Variants in SLC8A1 observed in about 807,000 individuals in gnomAD.
SLC8A1 encodes the protein sodium/calcium exchanger 1.
Under a neutral mutation model 68.3 loss-of-function variants are expected in SLC8A1, and 18 were observed. That is an observed-to-expected ratio of 0.26 (90% confidence interval 0.18 to 0.39). SLC8A1 has a LOEUF of 0.39. SLC8A1 is among the 10% of genes least tolerant of loss of function. The pLI is 1.00. For missense variants in SLC8A1, 985 were observed against 1,156.7 expected, an observed-to-expected ratio of 0.85 and a Z score of 2.15; for synonymous variants, 475 against 415.5, an observed-to-expected ratio of 1.14 and a Z score of -1.74.
chr2:40,416,209 G>T (rs1184996487), intron 2 of SLC8A1, among the ~76,000 whole-genome samples: 2 of 151,898 alleles, frequency 1.3e-5, no homozygotes, highest in African/African-American at 4.8e-5. Context: ...CTCTGATTTG[G>T]ACAATAAGTT....
chr2:40,287,555 T>G (rs1470481058), intron 2 of SLC8A1, among the ~76,000 whole-genome samples: 1 of 144,310 alleles, frequency 6.9e-6, no homozygotes, highest in African/African-American at 2.6e-5. Flanking sequence ...AATTCCTCAT[T>G]CTTTCAGCGG....
At chr2:40,399,671 A>C (rs550472310) in intron 2 of SLC8A1, among the ~76,000 whole-genome samples, 71 of 152,290 alleles carry the variant, frequency 4.7e-4, no homozygotes, top group African/African-American at 1.6e-3. Context: ...ATATTAAGTA[A>C]ATAGCCCCTG....
intron 2 of SLC8A1, among the ~76,000 whole-genome samples, chr2:40,416,694 C>T (rs1693993343): frequency 1.3e-5 from 2 of 152,062 alleles, no homozygotes; most frequent in Admixed American, 6.5e-5. Context: ...ACCAACTAAC[C>T]AGACCAGTAG....
chr2:40,362,161 C>T (rs1484397472), intron 2 of SLC8A1, among the ~76,000 whole-genome samples: 9 of 151,770 alleles, frequency 5.9e-5, no homozygotes, highest in African/African-American at 4.8e-5. Flanking sequence ...TCCCATAGTG[C>T]TGGGATTACA....
intron 7 of SLC8A1, among the ~76,000 whole-genome samples, chr2:40,132,023 GGT>G (rs1250514290): frequency 6.6e-6 from 1 of 151,870 alleles, no homozygotes; most frequent in Non-Finnish European, 1.5e-5. Flanking sequence ...GACTCCATTA[GGT>G]GTTTTTCATG....
intron 2 of SLC8A1, among the ~76,000 whole-genome samples, chr2:40,335,794 A>G (rs1181840977): frequency 2.0e-5 from 3 of 152,236 alleles, no homozygotes; most frequent in Non-Finnish European, 4.4e-5. Flanking sequence ...TGCCTTTGTC[A>G]TGATTATCTG....
intron 2 of SLC8A1, among the ~76,000 whole-genome samples, chr2:40,361,567 C>A (rs1674644449): frequency 6.6e-6 from 1 of 151,902 alleles, no homozygotes; most frequent in Non-Finnish European, 1.5e-5. Context: ...TCTGGTGCCC[C>A]ATCAAGACAA....
intron 2 of SLC8A1, among the ~76,000 whole-genome samples, chr2:40,255,870 C>T (rs2063828908): frequency 6.6e-6 from 1 of 152,126 alleles, no homozygotes; most frequent in African/African-American, 2.4e-5. Context: ...CAAGAAACTT[C>T]CACTAAAAAG....
upstream of SLC8A1, among the ~76,000 whole-genome samples, chr2:40,452,523 C>T (rs1203070123): frequency 6.6e-6 from 1 of 152,184 alleles, no homozygotes; most frequent in Non-Finnish European, 1.5e-5. Flanking sequence ...TCTTCTCTTC[C>T]GCAGACAGAA....
intron 1 of SLC8A1, among the ~76,000 whole-genome samples, chr2:40,467,505 AAC>A: frequency 3.3e-5 from 5 of 152,276 alleles, no homozygotes; most frequent in African/African-American, 1.2e-4. Context: ...CTCAATTAAA[AAC>A]ATTGGCAGCT....
At chr2:40,371,171 G>A (rs1426182462) in intron 2 of SLC8A1, among the ~76,000 whole-genome samples, 1 of 152,058 alleles carries the variant, frequency 6.6e-6, no homozygotes, top group Non-Finnish European at 1.5e-5. Context: ...TGATCCCTGT[G>A]TGCATTCATT....
At chr2:40,436,927 AG>A (rs1242499935) in intron 1 of SLC8A1, among the ~76,000 whole-genome samples, 1 of 152,158 alleles carries the variant, frequency 6.6e-6, no homozygotes, top group Non-Finnish European at 1.5e-5. Context: ...GCAGGGTTTA[AG>A]GGCCCTACTC....
chr2:40,463,919 G>A (rs1247227946), intron 1 of SLC8A1, among the ~76,000 whole-genome samples: 1 of 150,688 alleles, frequency 6.6e-6, no homozygotes, highest in Non-Finnish European at 1.5e-5. Flanking sequence ...CAGATTGATG[G>A]TGTCTCGCTC....
Position 40,236,970 on chromosome 2 carries a change from G to A in SLC8A1, c.1809-59115C>T, listed in dbSNP as rs13035563. 1.7e-4 allele frequency among the ~76,000 whole-genome samples: 26 copies of A among 152,036 alleles called. No individual in the cohort carries two copies. In the East Asian group the frequency reaches 2.1e-3, roughly 12 times the overall value. On this transcript the variant is annotated intron_variant, in intron 2 of 7. Coordinates refer to ENST00000406785, the Ensembl canonical transcript of SLC8A1. ...TTGTAGGGTTTCTGCCGAGAGATCC[G>A]CTGTTAGTCTGATGGGCTTCCCTTT...
exon 8 of SLC8A1, chr2:40,114,179 G>A (rs945762469): frequency 3.9e-5 from 6 of 152,842 alleles, no homozygotes; most frequent in Middle Eastern, 6.8e-3. Context: ...CTGTGTAACA[G>A]GTATCACAAC....
chr2:40,427,149 G>C (rs1469949436), intron 2 of SLC8A1, among the ~76,000 whole-genome samples: 2 of 151,990 alleles, frequency 1.3e-5, no homozygotes, highest in South Asian at 2.1e-4. Flanking sequence ...TGCTTTGCTT[G>C]ATTTCATTGT....
intron 5 of SLC8A1, 106 bp downstream of exon 8, chr2:40,164,748 A>T: frequency 7.1e-7 from 1 of 1,417,560 alleles, no homozygotes; most frequent in Non-Finnish European, 9.6e-7. Context: ...TCCTGAAATT[A>T]CATCTACTAC....
chr2:40,435,406 T>C (rs4629203), intron 1 of SLC8A1, among the ~76,000 whole-genome samples: 47,459 of 151,886 alleles, frequency 0.31, 8,116 homozygotes, highest in East Asian at 0.64. Flanking sequence ...CATGGCCAGA[T>C]TTCAGGAAAA....
chr2:40,342,175 C>T (rs1442955848), intron 2 of SLC8A1, among the ~76,000 whole-genome samples: 2 of 151,920 alleles, frequency 1.3e-5, no homozygotes, highest in Admixed American at 6.6e-5. Context: ...AAAAGATAAC[C>T]CCAAGGGTTT....
Sources: allele counts gnomAD v4.1 joint callset (sites outside exome capture counted in the v4.1 genomes callset), GRCh38; gene constraint gnomAD v4.1.1; transcripts MANE v1.5; gene names NCBI Gene and HGNC (gene_info 2026-07-23, HGNC 2026-07-21).